The following CADPS2 variants were observed in gnomAD, a reference collection of about 807,000 sequenced individuals.
CADPS2 encodes the protein calcium-dependent secretion activator 2.
A neutral mutation model predicts 172.5 loss-of-function variants in CADPS2; 93 were observed. The observed-to-expected ratio is 0.54, with a 90% CI of 0.46 to 0.64. CADPS2 has a LOEUF of 0.64. Among genes scored for constraint, CADPS2 ranks in the 30% least tolerant of loss-of-function variants. The pLI is 0.00. For missense variants in CADPS2, 1,420 were observed against 1,565.9 expected, an observed-to-expected ratio of 0.91 and a Z score of 1.57; for synonymous variants, 546 against 555.2, an observed-to-expected ratio of 0.98 and a Z score of 0.23.
Position 122,343,046 on chromosome 7 carries a change from C to T in CADPS2, c.3612+2528G>A, listed in dbSNP as rs574892222. On this transcript the variant is annotated intron_variant, in intron 28 of 29. Coordinates refer to ENST00000449022, the MANE Select transcript of CADPS2 (RefSeq NM_017954.11). ...ACACATTCTACTTTGCCTTTCAACA[C>T]GTACTTGATAACCTCTCATTTTCTA... Among the ~76,000 whole-genome samples the T allele has an allele frequency of 1.4e-4, 22 of 152,270 alleles. No homozygotes were observed. The South Asian group carries it at 2.1e-3, about 14-fold the overall frequency.
chr7:122,510,148 G>A (rs1402077028), intron 9 of CADPS2, among the ~76,000 whole-genome samples: 1 of 151,904 alleles, frequency 6.6e-6, no homozygotes, highest in Non-Finnish European at 1.5e-5. Flanking sequence ...ATAAAACACT[G>A]AGCAAGCACA....
chr7:122,552,694 C>T (rs527718806), intron 8 of CADPS2, among the ~76,000 whole-genome samples: 1 of 151,672 alleles, frequency 6.6e-6, no homozygotes, highest in South Asian at 2.1e-4. Context: ...TTGAGACAAG[C>T]TGAAGGTCCA....
At chr7:122,627,075 G>A (rs1410233294) in intron 4 of CADPS2, among the ~76,000 whole-genome samples, 1 of 152,208 alleles carries the variant, frequency 6.6e-6, no homozygotes, top group East Asian at 1.9e-4. Context: ...TGATCAGATT[G>A]CAGAGGCAGC....
intron 1 of CADPS2, among the ~76,000 whole-genome samples, chr7:122,748,485 G>C (rs749420915): frequency 6.6e-6 from 1 of 152,146 alleles, no homozygotes; most frequent in African/African-American, 2.4e-5. Context: ...GCAGACAACT[G>C]TGAGCCAGTG....
At chr7:122,390,769 C>T (rs1201058661) in intron 22 of CADPS2, among the ~76,000 whole-genome samples, 4 of 151,946 alleles carry the variant, frequency 2.6e-5, no homozygotes, top group African/African-American at 9.7e-5. Flanking sequence ...ATATAACCTG[C>T]AATTTATTCA....
At chr7:122,592,841 GA>G (rs1430549878) in intron 6 of CADPS2, among the ~76,000 whole-genome samples, 1 of 146,796 alleles carries the variant, frequency 6.8e-6, no homozygotes. Flanking sequence ...CTTCCAGGGG[GA>G]TGGGGGGAGG....
intron 2 of CADPS2, among the ~76,000 whole-genome samples, chr7:122,680,344 C>T (rs2082888297): frequency 6.6e-6 from 1 of 152,172 alleles, no homozygotes; most frequent in African/African-American, 2.4e-5. Context: ...AACTAGGAGA[C>T]ACTTGCTTTC....
chr7:122,500,869 A>C (rs1222045627), intron 9 of CADPS2, among the ~76,000 whole-genome samples: 1 of 152,204 alleles, frequency 6.6e-6, no homozygotes, highest in African/African-American at 2.4e-5. Flanking sequence ...AAGGTAAAGC[A>C]AAAATATTGG....
intron 11 of CADPS2, among the ~76,000 whole-genome samples, chr7:122,489,733 G>T (rs1443849549): frequency 6.6e-6 from 1 of 152,034 alleles, no homozygotes; most frequent in East Asian, 1.9e-4. Flanking sequence ...AAGCAAATTT[G>T]ATTTTGCAAT....
At chr7:122,618,972 T>C (rs958192721) in intron 5 of CADPS2, among the ~76,000 whole-genome samples, 1 of 152,162 alleles carries the variant, frequency 6.6e-6, no homozygotes, top group Non-Finnish European at 1.5e-5. Context: ...ACAGAGGATG[T>C]CAAAACAATT....
At chr7:122,821,225 T>C (rs1326679551) in intron 1 of CADPS2, among the ~76,000 whole-genome samples, 1 of 152,084 alleles carries the variant, frequency 6.6e-6, no homozygotes, top group Non-Finnish European at 1.5e-5. Flanking sequence ...TGATCATGCT[T>C]GATTTATTGA....
intron 28 of CADPS2, among the ~76,000 whole-genome samples, chr7:122,334,201 T>TACAC (rs549656556): frequency 2.6e-5 from 4 of 151,340 alleles, no homozygotes; most frequent in East Asian, 1.9e-4. Flanking sequence ...TATATGAGAA[T>TACAC]ACACACACAC....
intron 9 of CADPS2, among the ~76,000 whole-genome samples, chr7:122,502,685 A>C (rs1035184597): frequency 3.9e-5 from 6 of 152,062 alleles, no homozygotes; most frequent in Admixed American, 1.3e-4. Context: ...TTCATGTTTA[A>C]TTGAGCCGCC....
intron 1 of CADPS2, among the ~76,000 whole-genome samples, chr7:122,830,395 C>CT (rs1408644976): frequency 1.4e-5 from 2 of 142,112 alleles, no homozygotes; most frequent in Non-Finnish European, 3.1e-5. Context: ...TCTGACACTG[C>CT]TAAAAAAAAA....
intron 1 of CADPS2, among the ~76,000 whole-genome samples, chr7:122,858,322 G>A (rs1038419846): frequency 6.6e-6 from 1 of 152,000 alleles, no homozygotes; most frequent in Admixed American, 6.6e-5. Context: ...ACAAACTCTC[G>A]AATTCAGTGT....
rs150630757 is a variant in CADPS2 at position 122,402,267 on chromosome 7, CTT to C, written c.2746+5271_2746+5272del. 3.0e-3 allele frequency among the ~76,000 whole-genome samples: 457 copies of C among 152,212 alleles called. 1 individual carries two copies. Among genetic ancestry groups the C allele is most frequent in the African/African-American group, 9.9e-3 (411 of 41,538 alleles). On this transcript the variant is annotated intron_variant, in intron 20 of 29. Transcript: ENST00000449022. ...TAAAAAATAAAAGTTCAAGGACTCTCTTGTCTTCCTTAAAAAGATGATATTAT... is the reference window on the plus strand; with the variant it reads ...TAAAAAATAAAAGTTCAAGGACTCTCGTCTTCCTTAAAAAGATGATATTAT...
chr7:122,818,341 T>C (rs1802127147), intron 1 of CADPS2, among the ~76,000 whole-genome samples: 1 of 152,084 alleles, frequency 6.6e-6, no homozygotes, highest in Non-Finnish European at 1.5e-5. Context: ...AGCCAGAAAA[T>C]GGCACTTTGA....
At position 122,417,086 on chromosome 7, in the gene CADPS2, AT is replaced by A. The variant is rs571223522; in HGVS notation, c.2477-923del. Among the ~76,000 whole-genome samples, 376 of 151,562 alleles carry A rather than the reference AT, an allele frequency of 2.5e-3. 3 individuals carry two copies. The highest frequency in any genetic ancestry group is 8.4e-3 in the African/African-American group (347 of 41,332). ...GATTCTTCTGGGGAACTTAAAGGGCATTTTTTTTTCCTACAATAGTTTTCCC... is the reference window on the plus strand; with the variant it reads ...GATTCTTCTGGGGAACTTAAAGGGCATTTTTTTTCCTACAATAGTTTTCCC... On this transcript the variant is annotated intron_variant, in intron 17 of 29. Transcript: ENST00000449022.
chr7:122,327,491 A>G (rs1048341131), intron 28 of CADPS2, among the ~76,000 whole-genome samples: 3 of 152,164 alleles, frequency 2.0e-5, no homozygotes, highest in Non-Finnish European at 4.4e-5. Context: ...GCCTAACATA[A>G]CATACTGGTT....
Sources: allele counts gnomAD v4.1 joint callset (sites outside exome capture counted in the v4.1 genomes callset), GRCh38; gene constraint gnomAD v4.1.1; transcripts MANE v1.5; gene names NCBI Gene and HGNC (gene_info 2026-07-23, HGNC 2026-07-21).